Variants in CACNA1A observed in about 807,000 individuals in gnomAD.
CACNA1A encodes the protein voltage-dependent P/Q-type calcium channel subunit alpha-1A.
A neutral mutation model predicts 262.4 loss-of-function variants in CACNA1A; 57 were observed. The ratio of observed to expected loss-of-function variants is 0.22; its 90% CI spans 0.18 to 0.27. The LOEUF (loss-of-function observed/expected upper bound fraction) is 0.27, where lower values mean the gene tolerates loss of function less well. Ranked by LOEUF, CACNA1A falls within the 10% of genes least tolerant of loss-of-function variation. The pLI is 1.00. For synonymous variants in CACNA1A, 1,431 were observed against 1,419.3 expected (o/e 1.01, Z -0.18); for missense variants, 2,526 against 3,562.8 (o/e 0.71, Z 7.41).
intron 3 of CACNA1A, among the ~76,000 whole-genome samples, chr19:13,386,744 G>C (rs1568596497): frequency 6.6e-6 from 1 of 152,040 alleles, no homozygotes; most frequent in Non-Finnish European, 1.5e-5. Context: ...AGTGAGCCGA[G>C]ATCATGCCAC....
chr19:13,283,541 G>A (rs1209595417), intron 21 of CACNA1A, 145 bp from the exon 22 acceptor site: 4 of 1,042,486 alleles, frequency 3.8e-6, no homozygotes, highest in Middle Eastern at 2.6e-4. Context: ...ACTCCTCCAG[G>A]TGGGGGCCCT....
chr19:13,357,229 T>C (rs1599270972), intron 6 of CACNA1A, among the ~76,000 whole-genome samples: 1 of 152,256 alleles, frequency 6.6e-6, no homozygotes, highest in Middle Eastern at 3.4e-3. Flanking sequence ...AATTTTTGTG[T>C]GTGTGAAAAA....
At chr19:13,366,931 T>A (rs73501138) in intron 4 of CACNA1A, among the ~76,000 whole-genome samples, 1 of 152,118 alleles carries the variant, frequency 6.6e-6, no homozygotes, top group African/African-American at 2.4e-5. Flanking sequence ...AAAGTCACTC[T>A]CATTTTACAG....
At chr19:13,303,185 T>G (rs1332048298) in intron 17 of CACNA1A, among the ~76,000 whole-genome samples, 1 of 152,128 alleles carries the variant, frequency 6.6e-6, no homozygotes, top group Non-Finnish European at 1.5e-5. Context: ...CAGCTCTGAC[T>G]GGGTCCCCAT....
At chr19:13,432,103 CAAAAAAA>C (rs71170513) in intron 3 of CACNA1A, among the ~76,000 whole-genome samples, 16 of 64,412 alleles carry the variant, frequency 2.5e-4, no homozygotes, top group Non-Finnish European at 3.4e-4. Context: ...GACTCCGTCT[CAAAAAAA>C]AAAAAAAAAA....
intron 19 of CACNA1A, among the ~76,000 whole-genome samples, chr19:13,293,592 G>A (rs369417361): frequency 7.5e-4 from 113 of 149,936 alleles, no homozygotes; most frequent in African/African-American, 2.7e-3. Context: ...GACTACAGGC[G>A]TGCACCACCT....
rs779294855 is a variant in CACNA1A, at chr19:13,286,730, A to G, written c.3326T>C (p.Ile1109Thr). 6.3e-7 allele frequency: 1 copy of G among 1,598,048 alleles called. No homozygotes were observed. The highest frequency in any genetic ancestry group is 8.5e-7 in the Non-Finnish European group (1 of 1,171,428). The change falls in exon 20 of 47, where the codon ATC becomes ACC. Residue 1109 changes from isoleucine to threonine, a missense_variant. By Grantham distance (89) the Ile-to-Thr change is moderately conservative. This residue lies in a region of CACNA1A where 765 missense variants were observed against 748.6 expected (regional missense o/e 1.02). Coordinates refer to ENST00000360228, the MANE Select transcript of CACNA1A (RefSeq NM_001127222.2). ...CTGGGGGTTGGTGGCCATGGCAGGG[A>G]TGGCCAGCATGGGGCCGGGGTCGGT... The part of the protein sequence containing the change: ...NSTDPGPMLA[I>T]PAMATNPQNA...
intron 1 of CACNA1A, among the ~76,000 whole-genome samples, chr19:13,471,898 C>T (rs751118264): frequency 1.6e-4 from 25 of 152,052 alleles, no homozygotes; most frequent in Non-Finnish European, 2.5e-4. Flanking sequence ...ATTGTGAATG[C>T]GCTGAATGCC....
At chr19:13,215,930 T>G (rs914289262) in intron 38 of CACNA1A, among the ~76,000 whole-genome samples, 1 of 152,126 alleles carries the variant, frequency 6.6e-6, no homozygotes, top group African/African-American at 2.4e-5. Flanking sequence ...TGGTTTTATT[T>G]TGATTTTTGA....
chr19:13,275,401 A>T lies in CACNA1A; in HGVS notation c.3989+449T>A, dbSNP rs554200877. On this transcript the variant is annotated intron_variant, in intron 24 of 46. Coordinates refer to ENST00000360228, the MANE Select transcript of CACNA1A (RefSeq NM_001127222.2). Reference sequence around the variant, plus strand: ...GGAGAAGTGAAAGACACACAAAGGGAGTCACCAGGTCTACAACTACGGGGC... The same window carrying T: ...GGAGAAGTGAAAGACACACAAAGGGTGTCACCAGGTCTACAACTACGGGGC... 18 of 179,404 alleles carry T rather than the reference A, an allele frequency of 1.0e-4. 1 individual carries two copies. In the South Asian group the frequency reaches 1.1e-3, roughly 11 times the overall value. 11.1% of individuals were successfully genotyped at this position (179,404 alleles called of 1,614,324 possible).
intron 6 of CACNA1A, among the ~76,000 whole-genome samples, chr19:13,359,314 C>T (rs1463957043): frequency 1.3e-5 from 2 of 152,162 alleles, no homozygotes; most frequent in African/African-American, 4.8e-5. Flanking sequence ...GATCACATAA[C>T]CTTTCCGTAT....
chr19:13,239,172 C>T (rs377172961), intron 31 of CACNA1A, among the ~76,000 whole-genome samples: 4 of 152,264 alleles, frequency 2.6e-5, no homozygotes, highest in African/African-American at 9.6e-5. Flanking sequence ...CCATATTCCA[C>T]AATATAGCCC....
intron 6 of CACNA1A, among the ~76,000 whole-genome samples, chr19:13,339,017 C>T (rs2058627702): frequency 6.6e-6 from 1 of 152,120 alleles, no homozygotes; most frequent in Admixed American, 6.5e-5. Context: ...AGGCGCCCGC[C>T]ACCATGCCTG....
chr19:13,241,495 A>T lies in CACNA1A; in HGVS notation c.4950+3687T>A. The T allele has an allele frequency of 7.0e-7, 1 of 1,429,652 alleles. No homozygotes were observed. The highest frequency in any genetic ancestry group is 1.2e-5 in the South Asian group (1 of 83,294). The allele number at this position is 1,429,652 out of a possible 1,614,324, so 88.6% of individuals were successfully genotyped here. A position where few individuals can be genotyped will look rare whatever the true frequency, so the allele number is the denominator to read the frequency against. On this transcript the variant is annotated intron_variant, in intron 31 of 46. Transcript: ENST00000360228. This position sits in a 1 kb window ranked among gnomAD's most constrained non-coding sequence, Gnocchi z 4.0. ...CGTTCACAGTTAATGTAAGGCATTT[A>T]GACTTCAGAAAGAAGTAAGACCAAC...
chr19:13,306,842 C>G (rs775128319), intron 15 of CACNA1A, among the ~76,000 whole-genome samples: 86 of 152,186 alleles, frequency 5.7e-4, no homozygotes, highest in Admixed American at 1.1e-3. Context: ...CCCATTCCGT[C>G]CCATGGAAAC....
At chr19:13,213,672 CTTTTTTTTTTTTTTTTT>C (rs3050829) in intron 40 of CACNA1A, 2 of 87,682 alleles carry the variant, frequency 2.3e-5, no homozygotes, top group South Asian at 8.0e-4. Context: ...TTGGCAAGAA[CTTTTTTTTTTTTTTTTT>C]TTTTTTTTTT....
chr19:13,284,488 T>C lies in CACNA1A; in HGVS notation c.3692+580A>G, dbSNP rs529578300. The C allele has an allele frequency of 2.0e-5, 3 of 152,370 alleles. No individual in the cohort carries two copies. In the East Asian group the frequency reaches 5.8e-4, roughly 29 times the overall value. 9.4% of individuals were successfully genotyped at this position (152,370 alleles called of 1,614,324 possible). On this transcript the variant is annotated intron_variant, in intron 21 of 46. Coordinates refer to ENST00000360228, the MANE Select transcript of CACNA1A (RefSeq NM_001127222.2). Reference sequence around the variant, plus strand: ...CGGTCAGGCTTTCAAGAAATATCCCTGGGAGACATTCAATTCTAAAACAAC... The same window carrying C: ...CGGTCAGGCTTTCAAGAAATATCCCCGGGAGACATTCAATTCTAAAACAAC...
intron 22 of CACNA1A, among the ~76,000 whole-genome samples, chr19:13,282,407 G>A (rs1347087495): frequency 1.3e-5 from 2 of 152,106 alleles, no homozygotes; most frequent in Non-Finnish European, 1.5e-5. Flanking sequence ...GCCTCTGCCC[G>A]CAGCCCATGA....
intron 11 of CACNA1A, among the ~76,000 whole-genome samples, chr19:13,314,380 G>T (rs1336815308): frequency 6.6e-6 from 1 of 152,202 alleles, no homozygotes; most frequent in Admixed American, 6.5e-5. Context: ...AATTGCCAAT[G>T]TAACAGTATT....
Sources: gnomAD v4.1 joint callset for allele counts (sites outside exome capture counted in the v4.1 genomes callset) on GRCh38, gnomAD v4.1.1 for gene constraint, gnomAD v4.1.1 regional missense constraint, Gnocchi (gnomAD v3.1) non-coding constraint, MANE v1.5 for transcripts, NCBI Gene and HGNC (gene_info 2026-07-23, HGNC 2026-07-21) for gene names.